Variants in ALPK2 observed in about 807,000 individuals in gnomAD.
The protein encoded by ALPK2 is alpha kinase 2.
Under a neutral mutation model 163.1 loss-of-function variants are expected in ALPK2, and 127 were observed. The observed-to-expected ratio is 0.78, with a 90% confidence interval of 0.67 to 0.90. ALPK2 has a LOEUF of 0.90. Among genes scored for constraint, ALPK2 ranks in the 40% least tolerant of loss-of-function variants. The probability of loss-of-function intolerance (pLI) is 0.00; values close to 1 mark genes in which losing one functional copy is unlikely to be tolerated. For missense variants in ALPK2, 2,360 were observed against 2,589.6 expected (o/e 0.91, Z 1.92); for synonymous variants, 953 against 959.1 (o/e 0.99, Z 0.12).
chr18:58,521,222 T>C (rs2051549501), intron 8 of ALPK2, among the ~76,000 whole-genome samples: 1 of 152,124 alleles, frequency 6.6e-6, no homozygotes, highest in African/African-American at 2.4e-5. Context: ...GGTGGTACCA[T>C]TTCCACCAAG....
chr18:58,602,116 G>A (rs145328387), intron 3 of ALPK2, among the ~76,000 whole-genome samples: 7 of 152,268 alleles, frequency 4.6e-5, no homozygotes, highest in East Asian at 3.9e-4. Context: ...ATAATCAATC[G>A]TGAATTTGGG....
In ALPK2 at chr18:58,481,993, A is replaced by G. The variant is rs761826905; in HGVS notation, c.6343T>C (p.Phe2115Leu). The change falls in exon 13 of 13, where the codon TTT becomes CTT. Residue 2115 changes from phenylalanine to leucine, a missense_variant. Phe to Leu is a conservative substitution (Grantham distance 22). Coordinates refer to ENST00000361673, the MANE Select transcript of ALPK2 (RefSeq NM_052947.4). ...GNCSMTFIDQFKALHQCNKYC... is the reference protein window; with the variant it reads ...GNCSMTFIDQLKALHQCNKYC... ...TTGTTACACTGGTGTAGTGCTTTAA[A>G]CTGATCAATGAAGGTCATGGAACAG... is the stretch of plus-strand genomic sequence containing the variant. The G allele has an allele frequency of 6.2e-7, 1 of 1,614,192 alleles. No individual in the cohort carries two copies. The highest frequency in any genetic ancestry group is 8.5e-7 in the Non-Finnish European group (1 of 1,180,046).
At chr18:58,571,549 C>A (rs1237102852) in intron 4 of ALPK2, among the ~76,000 whole-genome samples, 9 of 151,470 alleles carry the variant, frequency 5.9e-5, no homozygotes, top group African/African-American at 2.2e-4. Context: ...AAGACCATAG[C>A]AGAAAGAAAA....
At chr18:58,604,312 G>A (rs9947399) in intron 3 of ALPK2, among the ~76,000 whole-genome samples, 94,746 of 152,070 alleles carry the variant, frequency 0.62, 30,018 homozygotes, top group East Asian at 0.87. Flanking sequence ...ATAACTAACA[G>A]CTAACTTTTA....
intron 11 of ALPK2, among the ~76,000 whole-genome samples, chr18:58,499,091 G>A (rs972939684): frequency 6.6e-6 from 1 of 152,150 alleles, no homozygotes; most frequent in Non-Finnish European, 1.5e-5. Context: ...CCAATGGCCT[G>A]GCGAAGCAGA....
In ALPK2 at chr18:58,536,425, C is replaced by T. The variant is rs1264037766; in HGVS notation, c.3762G>A (p.Leu1254=). The change falls in exon 5 of 13, where the codon CTG becomes CTA. Residue 1254 remains leucine (L), a synonymous_variant. Transcript: ENST00000361673. ...SASEIWPPRQ[L]TNSESKASDG... ...CTGATGCCTTGCTCTCAGAATTTGT[C>T]AGTTGTCGTGGTGGCCAGATTTCAG... is the stretch of plus-strand genomic sequence containing the variant. 2 of 1,614,184 alleles carry T rather than the reference C, an allele frequency of 1.2e-6. No individual in the cohort carries two copies. Among genetic ancestry groups the T allele is most frequent in the East Asian group, 2.2e-5 (1 of 44,892 alleles).
At chr18:58,592,717 C>T (rs1348418036) in intron 3 of ALPK2, among the ~76,000 whole-genome samples, 2 of 152,068 alleles carry the variant, frequency 1.3e-5, no homozygotes, top group African/African-American at 4.8e-5. Flanking sequence ...AATTCGAAGC[C>T]GATTGCAGAG....
At chr18:58,507,253 C>T (rs577837041) in intron 10 of ALPK2, among the ~76,000 whole-genome samples, 2 of 152,068 alleles carry the variant, frequency 1.3e-5, no homozygotes, top group Admixed American at 6.5e-5. Context: ...AGTGAAATGG[C>T]GGCGGGGCAG....
At chr18:58,564,760 A>G (rs1749550689) in intron 4 of ALPK2, among the ~76,000 whole-genome samples, 1 of 152,210 alleles carries the variant, frequency 6.6e-6, no homozygotes, top group South Asian at 2.1e-4. Context: ...AGGAAAGGAA[A>G]TTACCCAAGG....
At position 58,537,471 on chromosome 18, in the gene ALPK2, C is replaced by T. The variant is rs778426011; in HGVS notation, c.2716G>A (p.Ala906Thr). 28 of 1,611,828 alleles carry T rather than the reference C, an allele frequency of 1.7e-5. No homozygotes were observed. Among genetic ancestry groups the T allele is most frequent in the East Asian group, 8.9e-5 (4 of 44,818 alleles). Residue 906 changes from alanine (A) to threonine (T), a missense_variant, in exon 5 of 13, where the codon GCC becomes ACC. Physicochemically the swap from Ala to Thr is moderately conservative, Grantham distance 58. Transcript: ENST00000361673. ...LNISHTASEG[A>T]TGENLAKVEN... ...ACCTTGGCTAGATTTTCTCCTGTGG[C>T]ACCTTCACTAGCTGTGTGTGAAATG... is the stretch of plus-strand genomic sequence containing the variant.
intron 4 of ALPK2, among the ~76,000 whole-genome samples, chr18:58,567,749 C>T (rs911447491): frequency 2.6e-5 from 4 of 152,214 alleles, no homozygotes; most frequent in Admixed American, 6.5e-5. Context: ...AAGCCTTTGA[C>T]TCAGCCTCTG....
chr18:58,580,272 G>T lies in ALPK2; in HGVS notation c.504C>A (p.Ser168=). ...ATGACTGGAGGGAGAGTGAATGGTT[G>T]GATTTGGAGGGGGAGGAGTCAGCTG... The part of the protein sequence containing the change: ...PRSADSSPSK[S]NHSLSLQSLG... The change falls in exon 4 of 13, where the codon TCC becomes TCA. Residue 168 remains serine (S), a synonymous_variant. Transcript: ENST00000361673. 1 of 1,614,188 alleles carries T rather than the reference G, an allele frequency of 6.2e-7. No homozygotes were observed. Among genetic ancestry groups the T allele is most frequent in the Non-Finnish European group, 8.5e-7 (1 of 1,180,020 alleles).
At chr18:58,621,506 C>T (rs1315596091) in intron 1 of ALPK2, among the ~76,000 whole-genome samples, 1 of 152,086 alleles carries the variant, frequency 6.6e-6, no homozygotes, top group Admixed American at 6.5e-5. Context: ...CTCCTGACAT[C>T]GTGATCCGCC....
chr18:58,567,310 G>A (rs889569307), intron 4 of ALPK2, among the ~76,000 whole-genome samples: 5 of 152,042 alleles, frequency 3.3e-5, no homozygotes, highest in African/African-American at 1.2e-4. Flanking sequence ...CTTGAACCTG[G>A]GAGGCGGAGG....
At chr18:58,625,227 C>T (rs1602245448) in intron 1 of ALPK2, among the ~76,000 whole-genome samples, 1 of 151,856 alleles carries the variant, frequency 6.6e-6, no homozygotes, top group East Asian at 1.9e-4. Flanking sequence ...GACCATTAGC[C>T]TCAGCATATT....
chr18:58,483,809 C>T (rs1379984777), intron 12 of ALPK2, among the ~76,000 whole-genome samples: 1 of 151,656 alleles, frequency 6.6e-6, no homozygotes, highest in Non-Finnish European at 1.5e-5. Flanking sequence ...AGGTGATCCG[C>T]CCGCCTCGGC....
rs577401962 is a variant in ALPK2, at chr18:58,601,279, A to T, written c.227+6043T>A. Among the ~76,000 whole-genome samples the T allele has an allele frequency of 4.6e-5, 7 of 152,310 alleles. No individual in the cohort carries two copies. The East Asian group carries it at 1.3e-3, about 29-fold the overall frequency. On this transcript the variant is annotated intron_variant, in intron 3 of 12. Transcript: ENST00000361673. Reference sequence around the variant, plus strand: ...TCAAAAAAAAAAGGATAAAAAAATTATAGGCAAGGGGCAGTCATAGGTGGC... The same window carrying T: ...TCAAAAAAAAAAGGATAAAAAAATTTTAGGCAAGGGGCAGTCATAGGTGGC...
At chr18:58,559,825 C>T (rs2051816516) in intron 4 of ALPK2, among the ~76,000 whole-genome samples, 1 of 152,200 alleles carries the variant, frequency 6.6e-6, no homozygotes, top group Non-Finnish European at 1.5e-5. Flanking sequence ...GAAGTAAAAA[C>T]CCAACCAGGG....
intron 3 of ALPK2, among the ~76,000 whole-genome samples, chr18:58,595,788 G>A (rs1434752567): frequency 1.3e-5 from 2 of 152,162 alleles, no homozygotes; most frequent in African/African-American, 4.8e-5. Flanking sequence ...TGTTAAAAAT[G>A]CACACGAATC....
Sources: allele counts gnomAD v4.1 joint callset (sites outside exome capture counted in the v4.1 genomes callset), GRCh38; gene constraint gnomAD v4.1.1; transcripts MANE v1.5; gene names NCBI Gene and HGNC (gene_info 2026-07-23, HGNC 2026-07-21).